The following AKAP13 variants were observed in gnomAD, a reference collection of about 807,000 sequenced individuals.
The protein encoded by AKAP13 is A-kinase anchor protein 13.
Under a neutral mutation model 264.5 loss-of-function variants are expected in AKAP13, and 80 were observed. That is an observed-to-expected ratio of 0.30 (90% confidence interval 0.25 to 0.36). AKAP13 has a LOEUF of 0.36. Among genes scored for constraint, AKAP13 ranks in the 10% least tolerant of loss-of-function variants. The probability of loss-of-function intolerance (pLI) is 1.00; values close to 1 mark genes in which losing one functional copy is unlikely to be tolerated. For missense variants in AKAP13, 3,712 were observed against 3,435.2 expected (o/e 1.08, Z -2.01); for synonymous variants, 1,380 against 1,250.2 (o/e 1.10, Z -2.19).
At chr15:85,381,473 A>T (rs1399018663) in intron 1 of AKAP13, among the ~76,000 whole-genome samples, 8 of 131,222 alleles carry the variant, frequency 6.1e-5, no homozygotes, top group Non-Finnish European at 1.1e-4. Context: ...CTATACTTTG[A>T]TACCAAACAA....
chr15:85,485,412 A>ATAACTGTTT (rs1226866688), intron 1 of AKAP13, among the ~76,000 whole-genome samples: 2 of 152,226 alleles, frequency 1.3e-5, no homozygotes, highest in Non-Finnish European at 2.9e-5. Flanking sequence ...TTTTGCTTTG[A>ATAACTGTTT]TAACTGTTTT....
Position 85,722,277 on chromosome 15 carries a change from C to T in AKAP13, c.6426C>T (p.Cys2142=), listed in dbSNP as rs1390836693. 1 of 1,613,896 alleles carries T rather than the reference C, an allele frequency of 6.2e-7. No homozygotes were observed. Among genetic ancestry groups the T allele is most frequent in the South Asian group, 1.1e-5 (1 of 91,046 alleles). ...SVVRRLGIPE[C]ILLVTQRITK... is the part of the protein sequence containing the mutation. ...TTAGAAGGCTTGGAATTCCAGAGTG[C>T]ATATTGCTTGTAACTCAGCGGATTA... is the stretch of plus-strand genomic sequence containing the variant. The change falls in exon 25 of 37, where the codon TGC becomes TGT. Residue 2142 remains cysteine (C), a synonymous_variant. Coordinates refer to ENST00000394518, the MANE Select transcript of AKAP13 (RefSeq NM_007200.5).
intron 1 of AKAP13, among the ~76,000 whole-genome samples, chr15:85,462,129 C>G (rs1453748306): frequency 6.6e-6 from 1 of 152,178 alleles, no homozygotes; most frequent in Non-Finnish European, 1.5e-5. Flanking sequence ...GACCAGCAGT[C>G]ACTGGATGAG....
chr15:85,446,710 C>CTTTTTT (rs67306030), intron 1 of AKAP13, among the ~76,000 whole-genome samples: 102 of 124,290 alleles, frequency 8.2e-4, no homozygotes, highest in Non-Finnish European at 1.3e-3. Context: ...TTTTCTTTTT[C>CTTTTTT]TTTTTTTTTT....
In AKAP13 at chr15:85,664,609, C is replaced by A. The variant is rs1016142811; in HGVS notation, c.4846C>A (p.Pro1616Thr). ...AGGAGGAGCTGGTGTCGGAAACAAG[C>A]CATCCTCATCTCTAGAAGTAAGCTC... ...LTGGAGVGNK[P>T]SSSLEVSSAN... Residue 1616 changes from proline (P) to threonine (T), a missense_variant, in exon 13 of 37, where the codon CCA (proline) becomes ACA (threonine). Pro to Thr is a conservative substitution (Grantham distance 38, BLOSUM62 -1). Around this residue, in one of 3 missense-constraint regions of AKAP13, gnomAD observed 2,759 missense variants for 2,411.7 expected, o/e 1.14. Coordinates refer to ENST00000394518, the MANE Select transcript of AKAP13 (RefSeq NM_007200.5). The A allele has an allele frequency of 1.2e-6, 2 of 1,613,582 alleles. No individual in the cohort carries two copies. The highest frequency in any genetic ancestry group is 2.7e-5 in the African/African-American group (2 of 75,010).
At chr15:85,661,863 T>C (rs2083362903) in intron 12 of AKAP13, among the ~76,000 whole-genome samples, 1 of 151,406 alleles carries the variant, frequency 6.6e-6, no homozygotes, top group Non-Finnish European at 1.5e-5. Flanking sequence ...GCAGAATCTA[T>C]TAATGTCTGG....
rs187236512 is a variant in AKAP13, at chr15:85,660,431, T to G, written c.4799+1841T>G. ...CTATTGTTTTTCACTCTCTTCGTGT[T>G]AAATCTCCTCACAGTCTTCCACATC... On this transcript the variant is annotated intron_variant, in intron 12 of 36. Coordinates refer to ENST00000394518, the MANE Select transcript of AKAP13 (RefSeq NM_007200.5). Among the ~76,000 whole-genome samples, 537 of 149,936 alleles carry G rather than the reference T, an allele frequency of 3.6e-3. 2 individuals are homozygous for G. The highest frequency in any genetic ancestry group is 5.4e-3 in the Non-Finnish European group (363 of 67,260).
At chr15:85,403,764 C>T (rs1022771869) in intron 1 of AKAP13, among the ~76,000 whole-genome samples, 1 of 151,448 alleles carries the variant, frequency 6.6e-6, no homozygotes, top group East Asian at 1.9e-4. Flanking sequence ...TCGCTTGAAC[C>T]CGGGAGGTGG....
At chr15:85,673,561 C>T (rs1399693948) in intron 14 of AKAP13, among the ~76,000 whole-genome samples, 3 of 151,870 alleles carry the variant, frequency 2.0e-5, no homozygotes, top group African/African-American at 4.8e-5. Context: ...CCTTTTTCTC[C>T]CACTGTGCTG....
chr15:85,399,092 G>A (rs140914599), intron 1 of AKAP13, among the ~76,000 whole-genome samples: 97 of 152,292 alleles, frequency 6.4e-4, no homozygotes, highest in African/African-American at 2.2e-3. Context: ...GCTGTTCATA[G>A]ATATTGTCAA....
chr15:85,657,557 G>A (rs746089275), intron 11 of AKAP13, among the ~76,000 whole-genome samples: 13 of 152,150 alleles, frequency 8.5e-5, no homozygotes, highest in Admixed American at 2.0e-4. Context: ...TTAGTCAAAT[G>A]CCGTTTCTAT....
intron 1 of AKAP13, among the ~76,000 whole-genome samples, chr15:85,410,666 G>A (rs1254932468): frequency 1.3e-5 from 2 of 151,416 alleles, no homozygotes; most frequent in African/African-American, 4.9e-5. Flanking sequence ...TCTGTCACCT[G>A]GACGTGCTTG....
At chr15:85,589,313 A>T (rs926548521) in intron 8 of AKAP13, among the ~76,000 whole-genome samples, 1 of 152,206 alleles carries the variant, frequency 6.6e-6, no homozygotes, top group Non-Finnish European at 1.5e-5. Flanking sequence ...TGCTGTGAGT[A>T]TGAAAGTGTC....
chr15:85,432,950 A>G (rs1262508257), intron 1 of AKAP13, among the ~76,000 whole-genome samples: 3 of 151,690 alleles, frequency 2.0e-5, no homozygotes, highest in Admixed American at 2.0e-4. Flanking sequence ...AAATATAGAA[A>G]GAAAAAAAAA....
At chr15:85,689,824 G>A (rs887203121) in intron 16 of AKAP13, 2 of 152,360 alleles carry the variant, frequency 1.3e-5, no homozygotes, top group East Asian at 1.9e-4. Flanking sequence ...TGTAACAAGG[G>A]TTGTTGGCTT....
At chr15:85,737,225 T>A (rs545899988) in intron 33 of AKAP13, among the ~76,000 whole-genome samples, 15 of 151,570 alleles carry the variant, frequency 9.9e-5, no homozygotes, top group African/African-American at 3.2e-4. Flanking sequence ...CAGCCATATC[T>A]TCTTCTTTGA....
intron 1 of AKAP13, among the ~76,000 whole-genome samples, chr15:85,406,844 C>G (rs966380960): frequency 6.6e-6 from 1 of 151,482 alleles, no homozygotes; most frequent in Non-Finnish European, 1.5e-5. Context: ...TTGATGGTTT[C>G]TAGGGGTAGT....
intron 1 of AKAP13, among the ~76,000 whole-genome samples, chr15:85,383,555 T>C (rs2070398637): frequency 6.6e-6 from 1 of 152,246 alleles, no homozygotes; most frequent in Admixed American, 6.5e-5. Flanking sequence ...AGCTATTTCT[T>C]TCATAAAGAA....
chr15:85,466,346 T>C (rs1215667788), intron 1 of AKAP13, among the ~76,000 whole-genome samples: 1 of 152,134 alleles, frequency 6.6e-6, no homozygotes, highest in Non-Finnish European at 1.5e-5. Flanking sequence ...GTACAGAAGC[T>C]CTTTAGTTTA....
Sources: gnomAD v4.1 joint callset for allele counts (sites outside exome capture counted in the v4.1 genomes callset) on GRCh38, gnomAD v4.1.1 for gene constraint, gnomAD v4.1.1 regional missense constraint, MANE v1.5 for transcripts, NCBI Gene and HGNC (gene_info 2026-07-23, HGNC 2026-07-21) for gene names.